The following NPAS3 variants were observed in gnomAD, a reference collection of about 807,000 sequenced individuals.
NPAS3 encodes the protein neuronal PAS domain protein 3.
In NPAS3, 14 loss-of-function variants were observed where a neutral mutation model predicts 73.1. The observed-to-expected ratio is 0.19, with a 90% CI of 0.13 to 0.30. The LOEUF (loss-of-function observed/expected upper bound fraction) is 0.30, where lower values mean the gene tolerates loss of function less well. Ranked by LOEUF, NPAS3 falls within the 10% of genes least tolerant of loss-of-function variation. The pLI is 1.00. For synonymous variants in NPAS3, 620 were observed against 541.5 expected (o/e 1.14, Z -2.01); for missense variants, 1,096 against 1,250.0 (o/e 0.88, Z 1.86).
intron 1 of NPAS3, among the ~76,000 whole-genome samples, chr14:32,966,801 A>G (rs1003608178): frequency 1.3e-5 from 2 of 149,526 alleles, no homozygotes; most frequent in African/African-American, 4.9e-5. Flanking sequence ...AAAAAAAAAG[A>G]ACCCAAATTA....
chr14:33,386,434 A>G (rs2046778996), intron 4 of NPAS3, among the ~76,000 whole-genome samples: 1 of 152,132 alleles, frequency 6.6e-6, no homozygotes, highest in South Asian at 2.1e-4. Context: ...TATCTCCAGC[A>G]AGTATCTGAA....
chr14:33,043,809 C>CT (rs1224582046), intron 1 of NPAS3, among the ~76,000 whole-genome samples: 1 of 151,482 alleles, frequency 6.6e-6, no homozygotes, highest in African/African-American at 2.4e-5. Flanking sequence ...CCACAATAGA[C>CT]TGATGGAAGT....
chr14:33,414,252 C>G (rs1244338238), intron 4 of NPAS3, among the ~76,000 whole-genome samples: 1 of 152,050 alleles, frequency 6.6e-6, no homozygotes, highest in East Asian at 1.9e-4. Context: ...TTCCCTCCTC[C>G]CCCCACTGTG....
At chr14:33,189,346 G>A (rs371636640) in intron 2 of NPAS3, among the ~76,000 whole-genome samples, 4 of 152,274 alleles carry the variant, frequency 2.6e-5, no homozygotes, top group African/African-American at 9.6e-5. Flanking sequence ...TTGTTCATAC[G>A]CTATAGGTGA....
chr14:33,410,583 G>T (rs993794124), intron 4 of NPAS3, among the ~76,000 whole-genome samples: 4 of 152,094 alleles, frequency 2.6e-5, no homozygotes, highest in South Asian at 2.1e-4. Context: ...GATATTCAAG[G>T]CTCCTTCTGT....
intron 4 of NPAS3, among the ~76,000 whole-genome samples, chr14:33,402,759 A>C (rs969594723): frequency 6.6e-6 from 1 of 152,136 alleles, no homozygotes; most frequent in South Asian, 2.1e-4. Context: ...AATTTATCAC[A>C]TGCCTTCTGT....
At position 33,364,041 on chromosome 14, in the gene NPAS3, A is replaced by G. The variant is rs1393325422; in HGVS notation, c.386-3145A>G. ...AACAAACAAATAAATGAAATATGTC[A>G]GTAGATCAGATGAAACTGTGACCCG... On this transcript the variant is annotated intron_variant, in intron 3 of 11. Coordinates refer to ENST00000356141, the Ensembl canonical transcript of NPAS3. 4.6e-5 allele frequency among the ~76,000 whole-genome samples: 7 copies of G among 152,198 alleles called. No individual in the cohort carries two copies. The South Asian group carries it at 1.0e-3, about 23-fold the overall frequency.
intron 4 of NPAS3, among the ~76,000 whole-genome samples, chr14:33,380,296 C>T (rs571666358): frequency 6.6e-6 from 1 of 151,992 alleles, no homozygotes; most frequent in South Asian, 2.1e-4. Flanking sequence ...ACACAGAAAA[C>T]CAAGACCTGT....
At position 33,234,998 on chromosome 14, in the gene NPAS3, C is replaced by T. The variant is rs887041228; in HGVS notation, c.385+19572C>T. 3.3e-5 allele frequency among the ~76,000 whole-genome samples: 5 copies of T among 152,132 alleles called. No individual in the cohort carries two copies. The Middle Eastern group carries it at 0.01, about 310-fold the overall frequency. Reference sequence around the variant, plus strand: ...TATACAACATTTAAATTGTATGTTACAAACTAGATAAAACCAGATACCGAA... The same window carrying T: ...TATACAACATTTAAATTGTATGTTATAAACTAGATAAAACCAGATACCGAA... On this transcript the variant is annotated intron_variant, in intron 3 of 11. Coordinates refer to ENST00000356141, the Ensembl canonical transcript of NPAS3.
chr14:33,147,782 A>T (rs922961679), intron 2 of NPAS3, among the ~76,000 whole-genome samples: 1 of 148,782 alleles, frequency 6.7e-6, no homozygotes, highest in Non-Finnish European at 1.5e-5. Context: ...GATTAAAAAA[A>T]GTATGCACAG....
chr14:33,334,101 T>A (rs1327103207), intron 3 of NPAS3, among the ~76,000 whole-genome samples: 3 of 152,162 alleles, frequency 2.0e-5, no homozygotes, highest in Non-Finnish European at 4.4e-5. Context: ...TATTTGGAAA[T>A]AGAAAGTCAG....
chr14:33,480,077 C>A (rs759932255), intron 4 of NPAS3, among the ~76,000 whole-genome samples: 6 of 152,100 alleles, frequency 3.9e-5, no homozygotes, highest in Non-Finnish European at 8.8e-5. Context: ...AAGCACGAAG[C>A]CCTTTTGATG....
chr14:33,206,543 G>T (rs752124859), intron 2 of NPAS3, among the ~76,000 whole-genome samples: 1 of 152,132 alleles, frequency 6.6e-6, no homozygotes, highest in Non-Finnish European at 1.5e-5. Flanking sequence ...TTTAGCATCA[G>T]TCATATCTAG....
chr14:33,630,770 G>A (rs533603944), intron 5 of NPAS3, among the ~76,000 whole-genome samples: 1 of 152,124 alleles, frequency 6.6e-6, no homozygotes, highest in Non-Finnish European at 1.5e-5. Flanking sequence ...GTGACGTCGG[G>A]TTAAATATTC....
At chr14:32,990,903 G>A (rs1243194463) in intron 1 of NPAS3, among the ~76,000 whole-genome samples, 1 of 151,586 alleles carries the variant, frequency 6.6e-6, no homozygotes, top group Admixed American at 6.6e-5. Context: ...CTCCAGCTTG[G>A]GTAACAGAGA....
chr14:33,498,845 G>GA (rs1165256153), intron 4 of NPAS3, among the ~76,000 whole-genome samples: 1 of 151,556 alleles, frequency 6.6e-6, no homozygotes, highest in Non-Finnish European at 1.5e-5. Flanking sequence ...TTTAAAAAAA[G>GA]AAAGACATGC....
chr14:33,306,894 AG>A (rs1261333025), intron 3 of NPAS3, among the ~76,000 whole-genome samples: 1 of 152,172 alleles, frequency 6.6e-6, no homozygotes, highest in African/African-American at 2.4e-5. Context: ...GTCTTTGTGG[AG>A]GAAGTCAAAC....
chr14:33,207,889 G>A (rs1036967204), intron 2 of NPAS3, among the ~76,000 whole-genome samples: 2 of 152,070 alleles, frequency 1.3e-5, no homozygotes, highest in South Asian at 2.1e-4. Context: ...CTGTTCTGGC[G>A]GGCTTTTCTG....
At chr14:33,612,697 A>G (rs2057789317) in intron 5 of NPAS3, 1 of 347,832 alleles carries the variant, frequency 2.9e-6, no homozygotes, top group Non-Finnish European at 5.7e-6. Context: ...ACATTTGTGA[A>G]AAAGCATCTC....
Sources: gnomAD v4.1 joint callset for allele counts (sites outside exome capture counted in the v4.1 genomes callset) on GRCh38, gnomAD v4.1.1 for gene constraint, MANE v1.5 for transcripts, NCBI Gene and HGNC (gene_info 2026-07-23, HGNC 2026-07-21) for gene names.